CETP: variants seen among roughly 807,000 people sequenced by gnomAD.
CETP encodes cholesteryl ester transfer protein.
Under a neutral mutation model 66.5 loss-of-function variants are expected in CETP, and 56 were observed. The observed-to-expected ratio is 0.84, with a 90% CI of 0.68 to 1.05. The LOEUF (loss-of-function observed/expected upper bound fraction) is 1.05. CETP is among the 50% of genes least tolerant of loss of function. The pLI is 0.00. For synonymous variants in CETP, 251 were observed against 245.7 expected (o/e 1.02, Z -0.20); for missense variants, 612 against 609.6 (o/e 1.00, Z -0.04).
In CETP at chr16:56,972,506, C is replaced by T. The variant is rs192125362; in HGVS notation, c.750+423C>T. On this transcript the variant is annotated intron_variant, in intron 8 of 15. Transcript: ENST00000200676. ...AAACACAATAAACAGTTATTTCCCT[C>T]TGTTGCGTTCTGAGCATCTGCAGCC... 2.0e-5 allele frequency among the ~76,000 whole-genome samples: 3 copies of T among 152,356 alleles called. No homozygotes were observed. In the East Asian group the frequency reaches 5.8e-4, roughly 29 times the overall value.
chr16:56,969,747 G>A, intron 4 of CETP, 66 bp downstream of exon 4: 1 of 1,594,872 alleles, frequency 6.3e-7, no homozygotes. Flanking sequence ...AGCAGAGGGG[G>A]AGGTTGTGCA....
At position 56,981,630 on chromosome 16, in the gene CETP, T is replaced by A. The variant is rs759333015; in HGVS notation, c.1215-17T>A. 1 of 1,613,888 alleles carries A rather than the reference T, an allele frequency of 6.2e-7. No individual in the cohort carries two copies. The highest frequency in any genetic ancestry group is 8.5e-7 in the Non-Finnish European group (1 of 1,179,768). ...GGCCCAATGGAGGGTCAAATTATCATCGCTTTTTTATTTCAGGATTACACC... is the reference window on the plus strand; with the variant it reads ...GGCCCAATGGAGGGTCAAATTATCAACGCTTTTTTATTTCAGGATTACACC... On this transcript the variant is annotated splice_polypyrimidine_tract_variant and intron_variant, in intron 12 of 15. Transcript: ENST00000200676.
chr16:56,982,078 T>A, intron 13 of CETP, 87 bp from the exon 14 acceptor site: 4 of 1,245,102 alleles, frequency 3.2e-6, no homozygotes, highest in Non-Finnish European at 4.7e-6. Flanking sequence ...GGCATGAGGA[T>A]GAATGCTTGT....
At chr16:56,977,662 C>G (rs2056159049) in intron 10 of CETP, among the ~76,000 whole-genome samples, 1 of 152,218 alleles carries the variant, frequency 6.6e-6, no homozygotes, top group African/African-American at 2.4e-5. Flanking sequence ...TCTATCCCCA[C>G]CCCTAGCCCA....
intron 1 of CETP, 87 bp downstream of exon 1, chr16:56,962,184 C>A: frequency 3.5e-6 from 4 of 1,151,842 alleles, no homozygotes; most frequent in Admixed American, 1.7e-5. Context: ...TGAAGCCAGC[C>A]CTGAAGCCGG....
At chr16:56,965,859 T>G (rs1443132349) in intron 2 of CETP, among the ~76,000 whole-genome samples, 1 of 141,358 alleles carries the variant, frequency 7.1e-6, no homozygotes, top group Non-Finnish European at 1.5e-5. Context: ...TCTGACCAAG[T>G]CCCCGGCGGC....
At chr16:56,975,352 G>C (rs1183936155) in intron 10 of CETP, among the ~76,000 whole-genome samples, 1 of 152,184 alleles carries the variant, frequency 6.6e-6, no homozygotes, top group Non-Finnish European at 1.5e-5. Flanking sequence ...CCTATGAGTG[G>C]GGCGGTCAAA....
chr16:56,970,263 G>T (rs2056100520), intron 5 of CETP, among the ~76,000 whole-genome samples: 1 of 152,198 alleles, frequency 6.6e-6, no homozygotes, highest in Non-Finnish European at 1.5e-5. Flanking sequence ...CCCTTTTCAT[G>T]AATTAATTGA....
chr16:56,965,168 T>C (rs1291621223), intron 2 of CETP, among the ~76,000 whole-genome samples: 1 of 152,192 alleles, frequency 6.6e-6, no homozygotes, highest in Non-Finnish European at 1.5e-5. Context: ...GTTGAGAAGT[T>C]AAAGAAATAG....
chr16:56,966,737 C>T (rs2056069325), intron 2 of CETP, among the ~76,000 whole-genome samples: 1 of 151,514 alleles, frequency 6.6e-6, no homozygotes, highest in Non-Finnish European at 1.5e-5. Flanking sequence ...GCAGCTGGAA[C>T]CACAAGCATA....
intron 9 of CETP, among the ~76,000 whole-genome samples, chr16:56,974,692 C>A (rs2056137295): frequency 6.6e-6 from 1 of 152,170 alleles, no homozygotes; most frequent in South Asian, 2.1e-4. Context: ...ACAAAAAAAC[C>A]ACAAAGCTCA....
intron 9 of CETP, among the ~76,000 whole-genome samples, 190 bp downstream of exon 9, chr16:56,973,700 C>T (rs2056130064): frequency 6.6e-6 from 1 of 152,240 alleles, no homozygotes; most frequent in African/African-American, 2.4e-5. Context: ...CTTTGGGAGG[C>T]TGAGATGTAG....
At chr16:56,962,905 G>A (rs1292804314) in intron 1 of CETP, 105 bp from the exon 2 acceptor site, 9 of 947,730 alleles carry the variant, frequency 9.5e-6, no homozygotes, top group Admixed American at 7.5e-5. Flanking sequence ...GACCTGCTGG[G>A]AGCCTCATCT....
intron 10 of CETP, among the ~76,000 whole-genome samples, chr16:56,976,939 G>A (rs550164113): frequency 2.7e-5 from 4 of 150,510 alleles, no homozygotes; most frequent in East Asian, 4.0e-4. Context: ...ACAGAGTCTC[G>A]CTCTTGTTCC....
rs767785661 is a variant in CETP, at chr16:56,963,105, G to A, written c.214G>A (p.Val72Ile). 1.9e-6 allele frequency: 3 copies of A among 1,613,934 alleles called. No homozygotes were observed. In the Admixed American group the frequency reaches 5.0e-5, roughly 27 times the overall value. ...GEKAMMLLGQ[V>I]KYGLHNIQIS... Reference sequence around the variant, plus strand: ...GAAGGCCATGATGCTCCTTGGCCAAGTCAAGTATGGGTTGCACAAGTGAGT... The same window carrying A: ...GAAGGCCATGATGCTCCTTGGCCAAATCAAGTATGGGTTGCACAAGTGAGT... The change falls in exon 2 of 16, where the codon GTC becomes ATC. Residue 72 changes from valine to isoleucine, a missense_variant. Physicochemically the swap from Val to Ile is conservative, Grantham distance 29. Coordinates refer to ENST00000200676, the MANE Select transcript of CETP (RefSeq NM_000078.3).
intron 14 of CETP, among the ~76,000 whole-genome samples, chr16:56,982,867 G>A (rs935090949): frequency 5.9e-5 from 9 of 152,160 alleles, no homozygotes; most frequent in African/African-American, 2.2e-4. Context: ...TGATCCTAGT[G>A]GGGTGTCTTG....
rs758533363 is a variant in CETP at position 56,971,033 on chromosome 16, G to A, written c.528G>A (p.Glu176=). Residue 176 remains glutamate, a splice_region_variant and synonymous_variant, in exon 6 of 16, where the codon GAG becomes GAA. Coordinates refer to ENST00000200676, the MANE Select transcript of CETP (RefSeq NM_000078.3). ...KLLLHLQGER[E]PGWIKQLFTN... is the part of the protein sequence containing the mutation. ...TCATTGTGGTGCTTGCTGCCTTCAGGCCTGGGTGGATCAAGCAGCTGTTCA... is the reference window on the plus strand; with the variant it reads ...TCATTGTGGTGCTTGCTGCCTTCAGACCTGGGTGGATCAAGCAGCTGTTCA... 4.3e-6 allele frequency: 7 copies of A among 1,613,988 alleles called. No homozygotes were observed. The Admixed American group carries it at 5.0e-5, about 12-fold the overall frequency.
At chr16:56,981,797 G>A in intron 13 of CETP, 117 bp downstream of exon 13, 1 of 981,982 alleles carries the variant, frequency 1.0e-6, no homozygotes, top group Non-Finnish European at 1.6e-6. Context: ...ATGTGGACCA[G>A]GTGGTCCATG....
At position 56,983,704 on chromosome 16, in the gene CETP, A is replaced by G. The variant is rs1306648904; in HGVS notation, c.*38A>G. Reference sequence around the variant, plus strand: ...AGGTCGGGATGGGGCTTGTAGCAGAAGGCAAGCACCAGGCTCACAGCTGGA... The same window carrying G: ...AGGTCGGGATGGGGCTTGTAGCAGAGGGCAAGCACCAGGCTCACAGCTGGA... On this transcript the variant is annotated 3_prime_UTR_variant, in exon 16 of 16. Transcript: ENST00000200676. The G allele has an allele frequency of 6.3e-7, 1 of 1,585,818 alleles. No homozygotes were observed. Among genetic ancestry groups the G allele is most frequent in the South Asian group, 1.1e-5 (1 of 90,456 alleles).
Sources: gnomAD v4.1 joint callset for allele counts (sites outside exome capture counted in the v4.1 genomes callset) on GRCh38, gnomAD v4.1.1 for gene constraint, MANE v1.5 for transcripts, NCBI Gene and HGNC (gene_info 2026-07-23, HGNC 2026-07-21) for gene names.